LRP6: variants seen among roughly 807,000 people sequenced by gnomAD.
The protein encoded by LRP6 is LDL receptor related protein 6.
LRP6 carries 43 observed loss-of-function variants against 184.1 expected under a neutral mutation model. The observed-to-expected ratio is 0.23, with a 90% CI of 0.18 to 0.30. LRP6 has a LOEUF of 0.30. Among genes scored for constraint, LRP6 ranks in the 10% least tolerant of loss-of-function variants. The probability of loss-of-function intolerance (pLI) is 1.00; values close to 1 mark genes in which losing one functional copy is unlikely to be tolerated. For missense variants in LRP6, 1,571 were observed against 2,005.3 expected (o/e 0.78, Z 4.14); for synonymous variants, 719 against 684.9 (o/e 1.05, Z -0.78).
At chr12:12,174,286 A>AT (rs1863118289) in intron 7 of LRP6, among the ~76,000 whole-genome samples, 2 of 151,952 alleles carry the variant, frequency 1.3e-5, no homozygotes, top group African/African-American at 4.8e-5. Context: ...TAATTTTTGT[A>AT]TTTTTAGTAG....
chr12:12,240,201 A>C (rs1865027991), intron 2 of LRP6, among the ~76,000 whole-genome samples: 1 of 152,116 alleles, frequency 6.6e-6, no homozygotes, highest in Non-Finnish European at 1.5e-5. Flanking sequence ...ATCTCAAAAA[A>C]CCTCATCTCC....
At chr12:12,221,645 A>G (rs1015509027) in intron 2 of LRP6, among the ~76,000 whole-genome samples, 3 of 152,234 alleles carry the variant, frequency 2.0e-5, no homozygotes, top group African/African-American at 7.2e-5. Flanking sequence ...CAGCTTCCCA[A>G]GGAATTCTAA....
At chr12:12,171,658 T>C (rs1248169941) in intron 7 of LRP6, among the ~76,000 whole-genome samples, 1 of 152,228 alleles carries the variant, frequency 6.6e-6, no homozygotes, top group African/African-American at 2.4e-5. Context: ...TTAAACAATA[T>C]CTGACTGTGA....
intron 17 of LRP6, among the ~76,000 whole-genome samples, chr12:12,133,502 T>C (rs1314729038): frequency 6.6e-6 from 1 of 152,106 alleles, no homozygotes; most frequent in Non-Finnish European, 1.5e-5. Flanking sequence ...CAAAGTTTCC[T>C]GAGGCCTATC....
chr12:12,185,272 G>A (rs925686571), intron 4 of LRP6, among the ~76,000 whole-genome samples: 3 of 152,008 alleles, frequency 2.0e-5, no homozygotes, highest in Non-Finnish European at 4.4e-5. Flanking sequence ...GCACAACAGA[G>A]CAAGACTCTA....
chr12:12,129,475 A>G (rs9630266), intron 19 of LRP6, among the ~76,000 whole-genome samples: 11,431 of 152,270 alleles, frequency 0.075, 513 homozygotes, highest in Admixed American at 0.11. Context: ...GCTTTTGAAC[A>G]GTATATTCCC....
At chr12:12,167,689 G>C (rs546017850) in intron 7 of LRP6, among the ~76,000 whole-genome samples, 1 of 150,796 alleles carries the variant, frequency 6.6e-6, no homozygotes, top group East Asian at 1.9e-4. Context: ...AATTAGTTAA[G>C]GATCAAATAA....
At chr12:12,240,930 C>A (rs1565700181) in intron 2 of LRP6, among the ~76,000 whole-genome samples, 1 of 152,162 alleles carries the variant, frequency 6.6e-6, no homozygotes. Context: ...ATTTCATACA[C>A]ACATCTTCCC....
chr12:12,156,660 AC>A (rs994336325), intron 12 of LRP6, among the ~76,000 whole-genome samples: 2 of 152,242 alleles, frequency 1.3e-5, no homozygotes, highest in African/African-American at 4.8e-5. Flanking sequence ...AGGGTTAATA[AC>A]CACTTTACCC....
chr12:12,188,089 G>A (rs1234752306), intron 3 of LRP6, among the ~76,000 whole-genome samples: 1 of 151,814 alleles, frequency 6.6e-6, no homozygotes, highest in African/African-American at 2.4e-5. Flanking sequence ...GTGGGCGCCT[G>A]TAATCCCAGA....
At chr12:12,231,889 C>T (rs1409911991) in intron 2 of LRP6, among the ~76,000 whole-genome samples, 1 of 151,788 alleles carries the variant, frequency 6.6e-6, no homozygotes, top group Admixed American at 6.6e-5. Context: ...GTGGCACACA[C>T]CTACAGTCCT....
intron 2 of LRP6, among the ~76,000 whole-genome samples, chr12:12,230,980 C>T (rs569226244): frequency 1.5e-4 from 23 of 151,540 alleles, no homozygotes; most frequent in African/African-American, 5.6e-4. Flanking sequence ...CAGGAGTTCG[C>T]GACCAGCCTG....
chr12:12,252,644 A>AT lies in LRP6; in HGVS notation c.56-7990dup, dbSNP rs554780643. 3.8e-4 allele frequency among the ~76,000 whole-genome samples: 58 copies of AT among 151,972 alleles called. No homozygotes were observed. In the South Asian group the frequency reaches 0.012, roughly 31 times the overall value. Reference sequence around the variant, plus strand: ...AATGTCATCAGTCATAATTTCAGGGATTTTTTTTCCTCAATGTTAACTTGG... The same window carrying AT: ...AATGTCATCAGTCATAATTTCAGGGATTTTTTTTTCCTCAATGTTAACTTGG... On this transcript the variant is annotated intron_variant, in intron 1 of 22. Coordinates refer to ENST00000261349, the MANE Select transcript of LRP6 (RefSeq NM_002336.3).
chr12:12,168,609 A>C (rs1480144156), intron 7 of LRP6, among the ~76,000 whole-genome samples: 1 of 152,056 alleles, frequency 6.6e-6, no homozygotes, highest in African/African-American at 2.4e-5. Flanking sequence ...GACACAATAA[A>C]CCCATGTTTC....
intron 3 of LRP6, among the ~76,000 whole-genome samples, chr12:12,192,007 G>A (rs536426043): frequency 6.6e-6 from 1 of 151,902 alleles, no homozygotes; most frequent in African/African-American, 2.4e-5. Flanking sequence ...TAAATATGCA[G>A]GTTAATAAAA....
At chr12:12,256,002 G>C (rs1288889324) in intron 1 of LRP6, among the ~76,000 whole-genome samples, 1 of 152,082 alleles carries the variant, frequency 6.6e-6, no homozygotes. Flanking sequence ...AGAAGGCCCA[G>C]GTAAAATAAG....
intron 3 of LRP6, among the ~76,000 whole-genome samples, chr12:12,197,179 G>T (rs2417086): frequency 6.6e-6 from 1 of 151,966 alleles, no homozygotes; most frequent in Non-Finnish European, 1.5e-5. Context: ...GGTTTCTACC[G>T]ATCTCTGGCC....
At chr12:12,260,759 C>A (rs1248063477) in intron 1 of LRP6, among the ~76,000 whole-genome samples, 3 of 152,152 alleles carry the variant, frequency 2.0e-5, no homozygotes, top group Non-Finnish European at 4.4e-5. Context: ...TCCAAAGGAA[C>A]ACAAAGCGGC....
chr12:12,260,433 CAG>C (rs1234114768), intron 1 of LRP6, among the ~76,000 whole-genome samples: 5 of 149,942 alleles, frequency 3.3e-5, no homozygotes, highest in Admixed American at 1.3e-4. Flanking sequence ...TCAAACAAAA[CAG>C]AAATTTCCAT....
Sources: gnomAD v4.1 joint callset for allele counts (sites outside exome capture counted in the v4.1 genomes callset) on GRCh38, gnomAD v4.1.1 for gene constraint, MANE v1.5 for transcripts, NCBI Gene and HGNC (gene_info 2026-07-23, HGNC 2026-07-21) for gene names.